The following AFF3 variants were observed in gnomAD, a reference collection of about 807,000 sequenced individuals.
The protein encoded by AFF3 is AF4/FMR2 family member 3.
A neutral mutation model predicts 129.7 loss-of-function variants in AFF3; 32 were observed. The observed-to-expected ratio is 0.25, with a 90% CI of 0.19 to 0.33. The LOEUF (loss-of-function observed/expected upper bound fraction) is 0.33, where lower values mean the gene tolerates loss of function less well. AFF3 is among the 10% of genes least tolerant of loss of function. The pLI is 1.00. For synonymous variants in AFF3, 644 were observed against 635.4 expected (o/e 1.01, Z -0.20); for missense variants, 1,373 against 1,592.0 (o/e 0.86, Z 2.34).
intron 7 of AFF3, among the ~76,000 whole-genome samples, chr2:99,841,451 G>A (rs1286181781): frequency 2.0e-5 from 3 of 152,224 alleles, no homozygotes; most frequent in Non-Finnish European, 4.4e-5. Context: ...GCAGAGGTGA[G>A]GCCAGGGTGA....
intron 4 of AFF3, among the ~76,000 whole-genome samples, chr2:100,060,918 A>T (rs1489671590): frequency 2.0e-5 from 3 of 152,150 alleles, no homozygotes; most frequent in African/African-American, 7.2e-5. Flanking sequence ...GGTCAGTGAC[A>T]CTTTGCTCAG....
chr2:100,007,229 C>G lies in AFF3; in HGVS notation c.406G>C (p.Val136Leu). The change falls in exon 6 of 25, where the codon GTC becomes CTC. Residue 136 changes from valine to leucine, a missense_variant. Around this residue, in one of 9 missense-constraint regions of AFF3, gnomAD observed 255 missense variants for 256.0 expected, o/e 1.00. Transcript: ENST00000672756. ...CSTTTSTPAA[V>L]PVQQSKRGTM... Reference sequence around the variant, plus strand: ...CCTCTCTTACTCTGCTGCACGGGGACAGCTGCTGGTGTGGAAGTTGTAGTG... The same window carrying G: ...CCTCTCTTACTCTGCTGCACGGGGAGAGCTGCTGGTGTGGAAGTTGTAGTG... 1 of 1,614,106 alleles carries G rather than the reference C, an allele frequency of 6.2e-7. No individual in the cohort carries two copies.
chr2:99,610,024 C>T (rs997108835), intron 13 of AFF3, among the ~76,000 whole-genome samples: 2 of 152,218 alleles, frequency 1.3e-5, no homozygotes, highest in Non-Finnish European at 2.9e-5. Context: ...TGACATTCTT[C>T]TTCTGGACAA....
chr2:99,914,027 C>T (rs576693417), intron 7 of AFF3, among the ~76,000 whole-genome samples: 1 of 152,216 alleles, frequency 6.6e-6, no homozygotes, highest in East Asian at 1.9e-4. Flanking sequence ...GTAGGTACCA[C>T]CAACGAATGC....
chr2:99,553,905 TTC>T (rs1167813315), intron 24 of AFF3, among the ~76,000 whole-genome samples: 1 of 112,624 alleles, frequency 8.9e-6, no homozygotes, highest in East Asian at 2.2e-4. Context: ...CAGAGCAAGA[TTC>T]TGTCTCAAAC....
In AFF3 at chr2:99,632,372, C is replaced by T. The variant is rs894164426; in HGVS notation, c.1184+17254G>A. On this transcript the variant is annotated intron_variant, in intron 13 of 24. Transcript: ENST00000672756. The stretch of plus-strand genomic sequence containing the variant: ...GTCCTAATGGGTGTGATAAGGGGTA[C>T]TGAGTTTCAGTTTGAGAAAATACGA... 5.3e-5 allele frequency among the ~76,000 whole-genome samples: 8 copies of T among 152,088 alleles called. No individual in the cohort carries two copies. In the South Asian group the frequency reaches 1.4e-3, roughly 28 times the overall value.
chr2:99,650,520 C>T (rs1381469216), intron 12 of AFF3, among the ~76,000 whole-genome samples: 1 of 152,076 alleles, frequency 6.6e-6, no homozygotes. Flanking sequence ...GATCATGCCA[C>T]TGCACTCCAG....
intron 7 of AFF3, among the ~76,000 whole-genome samples, chr2:99,843,738 ATAAAC>A (rs1360154305): frequency 4.6e-5 from 7 of 152,354 alleles, no homozygotes; most frequent in Admixed American, 3.3e-4. Flanking sequence ...TTAGTTGACT[ATAAAC>A]TAAACAGTCA....
At chr2:99,552,214 T>C (rs192134191) in intron 24 of AFF3, among the ~76,000 whole-genome samples, 1 of 152,196 alleles carries the variant, frequency 6.6e-6, no homozygotes, top group Non-Finnish European at 1.5e-5. Flanking sequence ...GGCAAAACCC[T>C]GTCTCTACTA....
chr2:99,551,078 G>C lies in AFF3; in HGVS notation c.*396C>G, dbSNP rs1674368179. 3 of 420,818 alleles carry C rather than the reference G, an allele frequency of 7.1e-6. No individual in the cohort carries two copies. The highest frequency in any genetic ancestry group is 2.0e-5 in the African/African-American group (1 of 49,968). The allele number at this position is 420,818 out of a possible 1,614,324, so 26.1% of individuals were successfully genotyped here. On this transcript the variant is annotated 3_prime_UTR_variant, in exon 25 of 25. Coordinates refer to ENST00000672756, the MANE Select transcript of AFF3 (RefSeq NM_001386135.1). Reference sequence around the variant, plus strand: ...TTAACTAACCCATGAGATTTTGGTTGAATTTTCTAAGAAGTCACGGTTTAG... The same window carrying C: ...TTAACTAACCCATGAGATTTTGGTTCAATTTTCTAAGAAGTCACGGTTTAG...
chr2:99,744,069 C>A (rs751978880), intron 10 of AFF3, 35 bp downstream of exon 10: 1 of 1,575,674 alleles, frequency 6.3e-7, no homozygotes, highest in South Asian at 1.1e-5. Flanking sequence ...ACCCCCTGCT[C>A]CCCAGATGAA....
At chr2:99,883,643 A>G (rs1010899135) in intron 7 of AFF3, among the ~76,000 whole-genome samples, 3 of 152,194 alleles carry the variant, frequency 2.0e-5, no homozygotes, top group African/African-American at 7.2e-5. Flanking sequence ...GAGAAGGAAA[A>G]TAACATGATC....
chr2:99,739,950 T>A (rs1376252756), intron 10 of AFF3, among the ~76,000 whole-genome samples: 2 of 144,748 alleles, frequency 1.4e-5, no homozygotes, highest in African/African-American at 5.1e-5. Flanking sequence ...CTCCTAAAGC[T>A]ATCCCTCCCC....
At chr2:99,746,773 T>C (rs1243366027) in intron 9 of AFF3, among the ~76,000 whole-genome samples, 1 of 152,176 alleles carries the variant, frequency 6.6e-6, no homozygotes, top group Non-Finnish European at 1.5e-5. Flanking sequence ...TTCAAGAGTT[T>C]ATATCTGGAC....
At chr2:99,566,989 AC>A (rs1180279524) in intron 19 of AFF3, among the ~76,000 whole-genome samples, 2 of 146,254 alleles carry the variant, frequency 1.4e-5, no homozygotes, top group Non-Finnish European at 3.0e-5. Context: ...TTTTTTGGAG[AC>A]AGGGTCTCAC....
intron 7 of AFF3, among the ~76,000 whole-genome samples, chr2:99,884,405 G>A (rs1279735233): frequency 6.6e-6 from 1 of 152,012 alleles, no homozygotes; most frequent in African/African-American, 2.4e-5. Flanking sequence ...ATGTATGTAT[G>A]TATTTATTTT....
At chr2:99,942,322 G>GCTA (rs1316160290) in intron 7 of AFF3, among the ~76,000 whole-genome samples, 4 of 152,088 alleles carry the variant, frequency 2.6e-5, no homozygotes, top group African/African-American at 9.7e-5. Context: ...GTCTCCAAGG[G>GCTA]CTACGTTCAC....
chr2:99,845,675 G>A (rs1022515071), intron 7 of AFF3, among the ~76,000 whole-genome samples: 4 of 152,016 alleles, frequency 2.6e-5, no homozygotes, highest in East Asian at 3.9e-4. Flanking sequence ...ACCCTACGTC[G>A]TTAATTTTAC....
At chr2:100,058,874 C>A (rs1003023757) in intron 4 of AFF3, among the ~76,000 whole-genome samples, 16 of 152,218 alleles carry the variant, frequency 1.1e-4, no homozygotes, top group Admixed American at 5.2e-4. Context: ...ATCTGTAAAT[C>A]ATGTATCTGA....
Sources: allele counts gnomAD v4.1 joint callset (sites outside exome capture counted in the v4.1 genomes callset), GRCh38; gene constraint gnomAD v4.1.1; regional missense constraint gnomAD v4.1.1; transcripts MANE v1.5; gene names NCBI Gene and HGNC (gene_info 2026-07-23, HGNC 2026-07-21).